PRSS23: variants seen among roughly 807,000 people sequenced by gnomAD.
PRSS23 encodes the protein protease, serine 23.
A neutral mutation model predicts 34.7 loss-of-function variants in PRSS23; 25 were observed. The ratio of observed to expected loss-of-function variants is 0.72; its 90% confidence interval spans 0.53 to 1.01. The LOEUF is 1.01. Ranked by LOEUF, PRSS23 falls within the 50% of genes least tolerant of loss-of-function variation. The pLI is 0.00. For missense variants in PRSS23, 445 were observed against 475.6 expected, an observed-to-expected ratio of 0.94 and a Z score of 0.60; for synonymous variants, 176 against 186.6, an observed-to-expected ratio of 0.94 and a Z score of 0.46.
At chr11:86,905,282 T>C (rs778259856) in intron 2 of PRSS23, among the ~76,000 whole-genome samples, 2 of 152,118 alleles carry the variant, frequency 1.3e-5, no homozygotes, top group African/African-American at 2.4e-5. Flanking sequence ...TGCTGGAAAA[T>C]TGGAATAATA....
chr11:86,825,236 G>C (rs61906675), intron 2 of PRSS23, among the ~76,000 whole-genome samples: 3 of 151,780 alleles, frequency 2.0e-5, no homozygotes, highest in African/African-American at 7.3e-5. Context: ...GCCAGTGATG[G>C]TGAGCATTTT....
At chr11:86,901,401 C>T (rs765272981) in intron 2 of PRSS23, among the ~76,000 whole-genome samples, 4 of 152,180 alleles carry the variant, frequency 2.6e-5, no homozygotes, top group East Asian at 3.9e-4. Context: ...TTCCTGCTGT[C>T]GGAACTGAAA....
chr11:86,806,555 C>T (rs1948103136), intron 1 of PRSS23, among the ~76,000 whole-genome samples: 1 of 152,282 alleles, frequency 6.6e-6, no homozygotes, highest in East Asian at 1.9e-4. Context: ...TACATTTGGT[C>T]CTCTATATTG....
chr11:86,799,630 A>T (rs1475121558), upstream of PRSS23, among the ~76,000 whole-genome samples: 1 of 152,176 alleles, frequency 6.6e-6, no homozygotes, highest in Non-Finnish European at 1.5e-5. Flanking sequence ...AGGCTCTAAC[A>T]CTAGGACCTT....
At chr11:86,842,969 C>G (rs1160368714) in intron 2 of PRSS23, among the ~76,000 whole-genome samples, 2 of 152,162 alleles carry the variant, frequency 1.3e-5, no homozygotes, top group African/African-American at 4.8e-5. Context: ...CCAAGACAAT[C>G]CTAAGCAAAA....
chr11:86,878,269 G>A (rs992247698), intron 2 of PRSS23, among the ~76,000 whole-genome samples: 5 of 25,760 alleles, frequency 1.9e-4, no homozygotes, highest in Non-Finnish European at 3.0e-4. Flanking sequence ...CTCTCCCCAC[G>A]GTCTCCCTCT....
chr11:86,915,357 C>T (rs1026944161), intron 2 of PRSS23, among the ~76,000 whole-genome samples: 8 of 152,064 alleles, frequency 5.3e-5, no homozygotes, highest in Admixed American at 1.3e-4. Flanking sequence ...AGGTGTAAAG[C>T]CTGGCTTTGA....
intron 2 of PRSS23, among the ~76,000 whole-genome samples, chr11:86,884,362 C>A (rs553918624): frequency 6.6e-6 from 1 of 152,106 alleles, no homozygotes; most frequent in East Asian, 1.9e-4. Flanking sequence ...TGCAGTGGTG[C>A]GATCTCGGCT....
At chr11:86,842,284 A>C (rs1166507029) in intron 2 of PRSS23, among the ~76,000 whole-genome samples, 2 of 152,234 alleles carry the variant, frequency 1.3e-5, no homozygotes, top group African/African-American at 4.8e-5. Flanking sequence ...AACGTATCTC[A>C]AAATAATAAG....
chr11:86,823,434 C>A (rs1359359113), exon 2 of PRSS23: 1 of 702,308 alleles, frequency 1.4e-6, no homozygotes, highest in Admixed American at 2.0e-5. Flanking sequence ...AGTCCTCATG[C>A]CCCCACAACT....
chr11:86,812,975 G>A (rs1178253914), downstream of PRSS23, among the ~76,000 whole-genome samples: 2 of 152,080 alleles, frequency 1.3e-5, no homozygotes, highest in South Asian at 2.1e-4. Flanking sequence ...CCTCCTATAT[G>A]ATTTAAAGAT....
At chr11:86,850,205 G>C (rs1020736655) in intron 2 of PRSS23, among the ~76,000 whole-genome samples, 1 of 152,150 alleles carries the variant, frequency 6.6e-6, no homozygotes, top group Non-Finnish European at 1.5e-5. Flanking sequence ...GCTACAAATG[G>C]TCTTACAAAT....
At chr11:86,917,496 T>C (rs1949021331) in intron 2 of PRSS23, among the ~76,000 whole-genome samples, 1 of 152,244 alleles carries the variant, frequency 6.6e-6, no homozygotes, top group Non-Finnish European at 1.5e-5. Flanking sequence ...CAAAATAATA[T>C]CTACTTCATT....
chr11:86,835,539 G>A (rs1948398372), intron 2 of PRSS23, among the ~76,000 whole-genome samples: 1 of 152,170 alleles, frequency 6.6e-6, no homozygotes, highest in African/African-American at 2.4e-5. Flanking sequence ...AATGGGTATT[G>A]GCTTTTTGAG....
chr11:86,935,353 G>C (rs1949154245), intron 2 of PRSS23: 1 of 152,214 alleles, frequency 6.6e-6, no homozygotes, highest in South Asian at 2.1e-4. Context: ...CAGGGTCTCA[G>C]TGTTTAATGC....
intron 2 of PRSS23, among the ~76,000 whole-genome samples, chr11:86,834,821 G>T (rs1309792682): frequency 1.3e-5 from 2 of 152,040 alleles, no homozygotes; most frequent in Non-Finnish European, 2.9e-5. Context: ...CCTAATTCTA[G>T]TGCCCGAGTA....
At chr11:86,811,597 A>C (rs540338620), downstream of PRSS23, among the ~76,000 whole-genome samples, 98 of 152,326 alleles carry the variant, frequency 6.4e-4, 1 homozygote, top group Admixed American at 4.8e-3. Flanking sequence ...ATAGGAGCAG[A>C]GTTGTATGTG....
chr11:86,853,242 CTTTTTTTTTTTTTTTTTT>C (rs561682096), intron 2 of PRSS23, among the ~76,000 whole-genome samples: 3 of 47,792 alleles, frequency 6.3e-5, no homozygotes, highest in African/African-American at 2.6e-4. Flanking sequence ...AAGTGCCTGC[CTTTTTTTTTTTTTTTTTT>C]TTTTTTTTTT....
Position 86,932,188 on chromosome 11 carries a change from A to G in PRSS23, c.207-19028A>G, listed in dbSNP as rs80338133. 7.7e-3 allele frequency among the ~76,000 whole-genome samples: 1,166 copies of G among 152,310 alleles called. 14 individuals carry two copies. The highest frequency in any genetic ancestry group is 0.027 in the African/African-American group (1,111 of 41,572). ...CAGGAAGTGGGACCAATGACTGCTG[A>G]GAGTCATCAGAATACTTGACCTTGG... On this transcript the variant is annotated intron_variant, in intron 2 of 2. Coordinates refer to the PRSS23 transcript ENST00000533902.
Sources: allele counts gnomAD v4.1 joint callset (sites outside exome capture counted in the v4.1 genomes callset), GRCh38; gene constraint gnomAD v4.1.1; transcripts MANE v1.5; gene names NCBI Gene and HGNC (gene_info 2026-07-23, HGNC 2026-07-21).